The following RBFOX1 variants were observed in gnomAD, a reference collection of about 807,000 sequenced individuals.
RBFOX1 encodes the protein RNA binding fox-1 homolog 1, also known as RNA binding protein fox-1 homolog 1.
A neutral mutation model predicts 57.7 loss-of-function variants in RBFOX1; 8 were observed. The ratio of observed to expected loss-of-function variants is 0.14; its 90% CI spans 0.08 to 0.25. The LOEUF is 0.25. Ranked by LOEUF, RBFOX1 falls within the 10% of genes least tolerant of loss-of-function variation. RBFOX1 has a pLI of 1.00. For synonymous variants in RBFOX1, 326 were observed against 222.4 expected, an observed-to-expected ratio of 1.47 and a Z score of -4.15; for missense variants, 611 against 548.5, an observed-to-expected ratio of 1.11 and a Z score of -1.14.
chr16:6,501,044 C>G (rs1485934326), intron 2 of RBFOX1, among the ~76,000 whole-genome samples: 1 of 151,550 alleles, frequency 6.6e-6, no homozygotes, highest in Non-Finnish European at 1.5e-5. Context: ...GTCTCACTGC[C>G]CATGGGAGTC....
intron 1 of RBFOX1, among the ~76,000 whole-genome samples, chr16:5,318,689 C>A (rs929509391): frequency 6.6e-6 from 1 of 152,176 alleles, no homozygotes; most frequent in African/African-American, 2.4e-5. Flanking sequence ...GATTCTCAGC[C>A]CTGATGTGTA....
chr16:5,878,947 C>A (rs1278365305), intron 4 of RBFOX1, among the ~76,000 whole-genome samples: 1 of 152,214 alleles, frequency 6.6e-6, no homozygotes, highest in Non-Finnish European at 1.5e-5. Flanking sequence ...ACTCAAACAT[C>A]TGACGCGTTT....
intron 4 of RBFOX1, among the ~76,000 whole-genome samples, chr16:7,344,447 A>G (rs1334285412): frequency 6.7e-6 from 1 of 150,228 alleles, no homozygotes; most frequent in African/African-American, 2.4e-5. Context: ...TATGTAACAC[A>G]TAGTTATAAA....
chr16:5,768,946 T>A (rs1371712683), intron 3 of RBFOX1, among the ~76,000 whole-genome samples: 3 of 151,644 alleles, frequency 2.0e-5, no homozygotes, highest in South Asian at 2.1e-4. Flanking sequence ...GAAAAAAAAA[T>A]AGGAAATCCA....
In RBFOX1 at chr16:7,065,887, G is replaced by A. The variant is rs141414771; in HGVS notation, c.27+13789G>A. On this transcript the variant is annotated intron_variant, in intron 4 of 15. Coordinates refer to ENST00000550418, the MANE Select transcript of RBFOX1 (RefSeq NM_018723.4). ...ATTTTTTTAGACGCTACATGGAAGTGAGTTCATGGGGTACATGTCTTTCTG... is the reference window on the plus strand; with the variant it reads ...ATTTTTTTAGACGCTACATGGAAGTAAGTTCATGGGGTACATGTCTTTCTG... Among the ~76,000 whole-genome samples the A allele has an allele frequency of 1.6e-4, 24 of 152,234 alleles. 1 individual carries two copies. The East Asian group carries it at 4.4e-3, about 28-fold the overall frequency.
At chr16:7,146,817 G>C (rs2075070985) in intron 4 of RBFOX1, among the ~76,000 whole-genome samples, 2 of 150,150 alleles carry the variant, frequency 1.3e-5, no homozygotes, top group Admixed American at 1.3e-4. Flanking sequence ...CAAGGATGTG[G>C]CACATGCCTG....
intron 4 of RBFOX1, among the ~76,000 whole-genome samples, chr16:7,168,232 A>AGGG (rs1567546067): frequency 6.6e-6 from 1 of 152,186 alleles, no homozygotes; most frequent in Non-Finnish European, 1.5e-5. Context: ...TCCCCTAGCA[A>AGGG]GCTTTGGTTT....
intron 4 of RBFOX1, among the ~76,000 whole-genome samples, chr16:5,919,713 C>T (rs2058779375): frequency 1.3e-5 from 2 of 152,146 alleles, no homozygotes; most frequent in African/African-American, 2.4e-5. Flanking sequence ...CCACCTTGAT[C>T]TCGTTTCAAA....
At chr16:6,609,715 A>C (rs1297379732) in intron 2 of RBFOX1, among the ~76,000 whole-genome samples, 1 of 152,136 alleles carries the variant, frequency 6.6e-6, no homozygotes, top group East Asian at 1.9e-4. Flanking sequence ...CCCCTTTAAA[A>C]ACACTAGCAA....
chr16:5,975,195 T>C (rs2060037330), intron 4 of RBFOX1, among the ~76,000 whole-genome samples: 1 of 152,196 alleles, frequency 6.6e-6, no homozygotes, highest in Non-Finnish European at 1.5e-5. Flanking sequence ...CTGACTCCTC[T>C]TTCTCGATGC....
At chr16:6,614,897 G>A (rs1391341403) in intron 2 of RBFOX1, among the ~76,000 whole-genome samples, 1 of 152,144 alleles carries the variant, frequency 6.6e-6, no homozygotes, top group Non-Finnish European at 1.5e-5. Flanking sequence ...TTTGCATTTG[G>A]AGGTATCCGG....
intron 1 of RBFOX1, among the ~76,000 whole-genome samples, chr16:5,308,030 A>G (rs553467761): frequency 1.3e-5 from 2 of 152,294 alleles, no homozygotes; most frequent in East Asian, 3.9e-4. Context: ...ATAAAGCAGT[A>G]CTGAGAGGCT....
chr16:6,846,052 A>G (rs1286109990), intron 3 of RBFOX1, among the ~76,000 whole-genome samples: 4 of 152,238 alleles, frequency 2.6e-5, no homozygotes, highest in African/African-American at 9.6e-5. Flanking sequence ...CAACAAGCAC[A>G]TCACAGTTGT....
chr16:7,469,760 G>T (rs1223049069), intron 4 of RBFOX1, among the ~76,000 whole-genome samples: 1 of 151,944 alleles, frequency 6.6e-6, no homozygotes, highest in Non-Finnish European at 1.5e-5. Context: ...TTATATTGTT[G>T]TGCAATTACT....
intron 4 of RBFOX1, among the ~76,000 whole-genome samples, chr16:5,929,646 T>C (rs1316503129): frequency 6.6e-6 from 1 of 152,214 alleles, no homozygotes; most frequent in East Asian, 1.9e-4. Context: ...AAAGACTTCA[T>C]AGTGTTTAAG....
chr16:6,603,536 A>G (rs1397819606), intron 2 of RBFOX1, among the ~76,000 whole-genome samples: 4 of 152,174 alleles, frequency 2.6e-5, no homozygotes, highest in African/African-American at 9.7e-5. Flanking sequence ...GAAAACATGC[A>G]TGCCTTAGCC....
At chr16:5,629,504 C>A (rs73527669) in intron 3 of RBFOX1, among the ~76,000 whole-genome samples, 6,353 of 152,266 alleles carry the variant, frequency 0.042, 449 homozygotes, top group African/African-American at 0.14. Context: ...CTTCATGGAC[C>A]ATTTAACTAC....
chr16:7,103,334 C>A (rs74011032), intron 4 of RBFOX1, among the ~76,000 whole-genome samples: 9,447 of 152,118 alleles, frequency 0.062, 443 homozygotes, highest in East Asian at 0.25. Context: ...GTAGAATTGC[C>A]TATTAAGGGG....
chr16:6,700,097 A>T (rs2061600901), intron 3 of RBFOX1, among the ~76,000 whole-genome samples: 1 of 152,094 alleles, frequency 6.6e-6, no homozygotes, highest in Non-Finnish European at 1.5e-5. Flanking sequence ...AGCATCCCTG[A>T]ATAAACCAGG....
Sources: allele counts gnomAD v4.1 joint callset (sites outside exome capture counted in the v4.1 genomes callset), GRCh38; gene constraint gnomAD v4.1.1; transcripts MANE v1.5; gene names NCBI Gene and HGNC (gene_info 2026-07-23, HGNC 2026-07-21).